The following CDC5L variants were observed in gnomAD, a reference collection of about 807,000 sequenced individuals.
CDC5L encodes cell division cycle 5 like.
CDC5L carries 18 observed loss-of-function variants against 104.1 expected under a neutral mutation model. The observed-to-expected ratio is 0.17, with a 90% CI of 0.12 to 0.26. The LOEUF is 0.26. Ranked by LOEUF, CDC5L falls within the 10% of genes least tolerant of loss-of-function variation. The pLI, the probability that CDC5L is intolerant of heterozygous loss-of-function variation, is 1.00. For synonymous variants in CDC5L, 331 were observed against 322.7 expected, an observed-to-expected ratio of 1.03 and a Z score of -0.28; for missense variants, 673 against 956.9, an observed-to-expected ratio of 0.70 and a Z score of 3.91.
At chr6:44,426,425 T>A in intron 12 of CDC5L, 57 bp from the exon 13 acceptor site, 1 of 1,026,304 alleles carries the variant, frequency 9.7e-7, no homozygotes, top group Admixed American at 2.2e-5. Flanking sequence ...TAACAGGTAA[T>A]AACATTAATA....
At chr6:44,419,709 CTT>C in intron 9 of CDC5L, 112 bp downstream of exon 9, 1 of 788,518 alleles carries the variant, frequency 1.3e-6, no homozygotes, top group Non-Finnish European at 2.1e-6. Context: ...GGATTTTCCT[CTT>C]TGATTTCTTC....
intron 3 of CDC5L, 92 bp from the exon 4 acceptor site, chr6:44,393,353 TG>T: frequency 2.5e-6 from 3 of 1,213,544 alleles, no homozygotes; most frequent in Non-Finnish European, 3.5e-6. Flanking sequence ...TTGGTTTTTT[TG>T]GGGGGAAAAA....
At chr6:44,405,232 G>A (rs1005033210) in intron 6 of CDC5L, among the ~76,000 whole-genome samples, 4 of 152,008 alleles carry the variant, frequency 2.6e-5, no homozygotes, top group Non-Finnish European at 2.9e-5. Flanking sequence ...TTTCTACTCC[G>A]TTGACCTTTC....
At chr6:44,388,134 G>T (rs1239952585) in intron 1 of CDC5L, among the ~76,000 whole-genome samples, 2 of 46,082 alleles carry the variant, frequency 4.3e-5, no homozygotes, top group Admixed American at 2.4e-4. Flanking sequence ...ACTTGAATAC[G>T]CCCCCTCCCA....
At chr6:44,393,824 C>T (rs1056317837) in intron 4 of CDC5L, among the ~76,000 whole-genome samples, 8 of 152,058 alleles carry the variant, frequency 5.3e-5, no homozygotes, top group Non-Finnish European at 8.8e-5. Flanking sequence ...GCCGCCATAC[C>T]TGGCTAATTT....
At chr6:44,412,557 G>A (rs967229692) in intron 8 of CDC5L, among the ~76,000 whole-genome samples, 2 of 151,354 alleles carry the variant, frequency 1.3e-5, no homozygotes, top group South Asian at 4.2e-4. Context: ...GCTGTTTGAA[G>A]AAGTTTGCAA....
intron 14 of CDC5L, among the ~76,000 whole-genome samples, chr6:44,445,086 C>G (rs1028027952): frequency 2.2e-4 from 33 of 152,122 alleles, no homozygotes; most frequent in African/African-American, 7.0e-4. Context: ...TGCACTGCCC[C>G]CAAAGGGTGC....
At chr6:44,402,662 C>G (rs1561969526) in intron 5 of CDC5L, among the ~76,000 whole-genome samples, 1 of 152,150 alleles carries the variant, frequency 6.6e-6, no homozygotes, top group South Asian at 2.1e-4. Context: ...AAATGGAATT[C>G]CACCCTCCAA....
chr6:44,411,401 G>C (rs1791615371), intron 8 of CDC5L, among the ~76,000 whole-genome samples: 1 of 152,066 alleles, frequency 6.6e-6, no homozygotes. Context: ...TATCTACAGG[G>C]TATAAAGTTG....
intron 5 of CDC5L, among the ~76,000 whole-genome samples, chr6:44,402,750 G>T (rs1329603404): frequency 6.6e-6 from 1 of 152,138 alleles, no homozygotes; most frequent in Non-Finnish European, 1.5e-5. Context: ...TATGCATACA[G>T]TTCTTATGTG....
intron 8 of CDC5L, among the ~76,000 whole-genome samples, chr6:44,409,658 TG>T (rs2153378319): frequency 6.6e-6 from 1 of 152,364 alleles, no homozygotes; most frequent in Admixed American, 6.5e-5. Flanking sequence ...TGGCTGTGTC[TG>T]TTTTCTCTAA....
At chr6:44,388,160 C>G (rs961881516) in intron 1 of CDC5L, among the ~76,000 whole-genome samples, 2 of 127,468 alleles carry the variant, frequency 1.6e-5, no homozygotes, top group South Asian at 3.5e-4. Context: ...CCCCCCCGCC[C>G]CCCCCGGCCC....
rs1275231204 is a variant in CDC5L, at chr6:44,408,285, A to G, written c.904-159A>G. Among the ~76,000 whole-genome samples the G allele has an allele frequency of 2.0e-5, 3 of 150,524 alleles. No homozygotes were observed. The highest frequency in any genetic ancestry group is 4.9e-5 in the African/African-American group (2 of 40,940). ...AATGTTGGTTTTTTTTTTTTTTTCA[A>G]TAGAGACAGTTTTGCTGTGTTGCCC... On this transcript the variant is annotated intron_variant, in intron 7 of 15. Coordinates refer to ENST00000371477, the MANE Select transcript of CDC5L (RefSeq NM_001253.4).
rs1312148846 is a variant in CDC5L, at chr6:44,426,577, G to A, written c.1746G>A (p.Met582Ile). 2 of 1,613,140 alleles carry A rather than the reference G, an allele frequency of 1.2e-6. No individual in the cohort carries two copies. Among genetic ancestry groups the A allele is most frequent in the South Asian group, 1.1e-5 (1 of 91,068 alleles). Residue 582 changes from methionine (M) to isoleucine (I), a missense_variant, in exon 13 of 16, where the codon ATG becomes ATA. By Grantham distance (10) the Met-to-Ile change is conservative. Transcript: ENST00000371477. ...EELIKKEMIT[M>I]LHYDLLHHPY... is the part of the protein sequence containing the mutation. ...TAATCAAAAAAGAAATGATCACAAT[G>A]CTTCATTATGACCTTCTACATCACC...
chr6:44,437,022 AG>A (rs765531286), intron 14 of CDC5L, among the ~76,000 whole-genome samples: 3 of 152,232 alleles, frequency 2.0e-5, no homozygotes, highest in East Asian at 1.9e-4. Flanking sequence ...GGTGTCCATC[AG>A]GGCAGTTGCT....
intron 6 of CDC5L, among the ~76,000 whole-genome samples, chr6:44,404,930 C>T (rs1791298465): frequency 6.6e-6 from 1 of 152,098 alleles, no homozygotes; most frequent in Admixed American, 6.6e-5. Flanking sequence ...TAGGCTCAAG[C>T]TACCCTCCCT....
At chr6:44,427,816 TATG>T (rs770671358) in intron 13 of CDC5L, among the ~76,000 whole-genome samples, 13 of 152,138 alleles carry the variant, frequency 8.5e-5, no homozygotes, top group African/African-American at 2.4e-4. Context: ...AAAGTGAAAA[TATG>T]AGGGGAAGAG....
chr6:44,392,055 C>T (rs766994240), intron 2 of CDC5L, among the ~76,000 whole-genome samples: 1 of 152,114 alleles, frequency 6.6e-6, no homozygotes, highest in African/African-American at 2.4e-5. Context: ...TTCTGTTTGT[C>T]TTAGTGGTAC....
At position 44,448,718 on chromosome 6, in the gene CDC5L, T is replaced by C. The variant is rs1321669565; in HGVS notation, c.*2007T>C. 1 of 152,256 alleles carries C rather than the reference T, an allele frequency of 6.6e-6. No individual in the cohort carries two copies. The highest frequency in any genetic ancestry group is 2.4e-5 in the African/African-American group (1 of 41,470). 9.4% of individuals were successfully genotyped at this position (152,256 alleles called of 1,614,324 possible). A position where few individuals can be genotyped will look rare whatever the true frequency, so the allele number is the denominator to read the frequency against. On this transcript the variant is annotated 3_prime_UTR_variant, in exon 16 of 16. Coordinates refer to ENST00000371477, the MANE Select transcript of CDC5L (RefSeq NM_001253.4). Reference sequence around the variant, plus strand: ...TCTTCTGATAGTTTTATTTCACTTTTATTGCATGTTTTGTTATCTGAAATG... The same window carrying C: ...TCTTCTGATAGTTTTATTTCACTTTCATTGCATGTTTTGTTATCTGAAATG...
Sources: gnomAD v4.1 joint callset for allele counts (sites outside exome capture counted in the v4.1 genomes callset) on GRCh38, gnomAD v4.1.1 for gene constraint, MANE v1.5 for transcripts, NCBI Gene and HGNC (gene_info 2026-07-23, HGNC 2026-07-21) for gene names.